The following FANCC variants were observed in gnomAD, a reference collection of about 807,000 sequenced individuals.
FANCC encodes the protein Fanconi anemia group C protein.
Under a neutral mutation model 71.3 loss-of-function variants are expected in FANCC, and 55 were observed. The ratio of observed to expected loss-of-function variants is 0.77; its 90% confidence interval spans 0.62 to 0.97. FANCC has a LOEUF of 0.97. Among genes scored for constraint, FANCC ranks in the 50% least tolerant of loss-of-function variants. The pLI is 0.00. For synonymous variants in FANCC, 275 were observed against 244.9 expected, an observed-to-expected ratio of 1.12 and a Z score of -1.15; for missense variants, 678 against 670.9, an observed-to-expected ratio of 1.01 and a Z score of -0.12.
intron 1 of FANCC, among the ~76,000 whole-genome samples, chr9:95,287,311 A>G (rs1464984573): frequency 6.6e-6 from 1 of 152,204 alleles, no homozygotes; most frequent in Non-Finnish European, 1.5e-5. Flanking sequence ...CCATATCAAA[A>G]GCAAAAATTT....
intron 10 of FANCC, among the ~76,000 whole-genome samples, chr9:95,122,712 C>A (rs905633086): frequency 1.3e-5 from 2 of 152,178 alleles, no homozygotes; most frequent in African/African-American, 4.8e-5. Context: ...AAAAGAGGCG[C>A]GAGCTAACCC....
intron 13 of FANCC, 137 bp from the exon 14 acceptor site, chr9:95,107,406 C>T: frequency 1.1e-6 from 1 of 915,974 alleles, no homozygotes. Flanking sequence ...TAGGCAGCGG[C>T]CGAATTTACA....
intron 7 of FANCC, among the ~76,000 whole-genome samples, chr9:95,139,875 G>A (rs1286883916): frequency 6.8e-6 from 1 of 146,028 alleles, no homozygotes; most frequent in African/African-American, 2.5e-5. Flanking sequence ...CATTCATTCT[G>A]TGGAAAATTT....
At position 95,293,850 on chromosome 9, in the gene FANCC, G is replaced by T; in HGVS notation, c.-79+23676C>A. 3 of 1,611,580 alleles carry T rather than the reference G, an allele frequency of 1.9e-6. No individual in the cohort carries two copies. In the South Asian group the frequency reaches 3.3e-5, roughly 18 times the overall value. On this transcript the variant is annotated intron_variant, in intron 1 of 14. Transcript: ENST00000289081. Reference sequence around the variant, plus strand: ...CAGTGGGATACAAAGTCCAACGGATGACCATGTACAGATGGACCAAGCTGG... The same window carrying T: ...CAGTGGGATACAAAGTCCAACGGATTACCATGTACAGATGGACCAAGCTGG...
At position 95,107,256 on chromosome 9, in the gene FANCC, G is replaced by T; in HGVS notation, c.1343C>A (p.Ala448Asp). ...CATTGCCAGGAGGTGGCCCAGCACG[G>T]CCTTCACCTGGACCTGGGCAATAGT... ...QRAQTMVQVK[A>D]VLGHLLAMSR... The change falls in exon 14 of 15, where the codon GCC becomes GAC. Residue 448 changes from alanine (A) to aspartate (D), a missense_variant. Ala to Asp is a moderately radical substitution (Grantham distance 126). Transcript: ENST00000289081. 1 of 1,613,880 alleles carries T rather than the reference G, an allele frequency of 6.2e-7. No homozygotes were observed. Among genetic ancestry groups the T allele is most frequent in the African/African-American group, 1.3e-5 (1 of 75,050 alleles).
chr9:95,107,307 A>C, intron 13 of FANCC, 38 bp from the exon 14 acceptor site: 2 of 1,594,788 alleles, frequency 1.3e-6, no homozygotes, highest in Non-Finnish European at 1.7e-6. Flanking sequence ...GGTTAGGAAG[A>C]GGCAGGACAG....
intron 4 of FANCC, among the ~76,000 whole-genome samples, chr9:95,226,079 C>T (rs1051731909): frequency 6.6e-6 from 1 of 152,140 alleles, no homozygotes; most frequent in African/African-American, 2.4e-5. Flanking sequence ...ATTTACACTG[C>T]AAAACTATGA....
intron 11 of FANCC, among the ~76,000 whole-genome samples, chr9:95,116,338 A>G (rs974042263): frequency 7.9e-5 from 12 of 152,250 alleles, no homozygotes; most frequent in Non-Finnish European, 1.6e-4. Context: ...TGTCACCCAG[A>G]GATCCCACCC....
intron 4 of FANCC, among the ~76,000 whole-genome samples, chr9:95,175,703 G>T (rs1272162285): frequency 6.6e-6 from 1 of 152,254 alleles, no homozygotes; most frequent in Non-Finnish European, 1.5e-5. Flanking sequence ...CACTGAACTT[G>T]CGAAGGCGGA....
At chr9:95,140,871 A>G (rs1046422675) in intron 7 of FANCC, among the ~76,000 whole-genome samples, 1 of 152,150 alleles carries the variant, frequency 6.6e-6, no homozygotes, top group Non-Finnish European at 1.5e-5. Flanking sequence ...ACTTCTCAAA[A>G]GGCAGCCACC....
chr9:95,172,912 GT>G (rs1222475158), intron 4 of FANCC, among the ~76,000 whole-genome samples: 1 of 152,066 alleles, frequency 6.6e-6, no homozygotes, highest in Non-Finnish European at 1.5e-5. Flanking sequence ...AAAATCTTGT[GT>G]TTACCAGAAA....
chr9:95,293,636 C>T (rs146744670), intron 1 of FANCC: 13 of 1,614,048 alleles, frequency 8.1e-6, no homozygotes, highest in South Asian at 7.7e-5. Context: ...AGTGGGCCAC[C>T]GCTGATTCCT....
chr9:95,291,211 G>A (rs1417039556), intron 1 of FANCC, among the ~76,000 whole-genome samples: 2 of 152,038 alleles, frequency 1.3e-5, no homozygotes, highest in African/African-American at 4.8e-5. Flanking sequence ...CACAGCACTG[G>A]AAATCCTACC....
intron 3 of FANCC, among the ~76,000 whole-genome samples, chr9:95,245,286 C>T (rs1234583898): frequency 1.3e-5 from 2 of 151,972 alleles, no homozygotes; most frequent in East Asian, 1.9e-4. Context: ...AATCCAGTCT[C>T]GGGTCATGAA....
intron 11 of FANCC, 64 bp downstream of exon 11, chr9:95,117,251 C>A: frequency 1.4e-6 from 2 of 1,425,184 alleles, no homozygotes; most frequent in South Asian, 2.3e-5. Context: ...ATGAGGAGGT[C>A]ATAATTTGAC....
At chr9:95,316,574 G>A (rs1233435620) in intron 1 of FANCC, among the ~76,000 whole-genome samples, 1 of 152,200 alleles carries the variant, frequency 6.6e-6, no homozygotes. Flanking sequence ...TGCATTAAAT[G>A]GGGCACAAGT....
chr9:95,157,834 A>T (rs1325322095), intron 6 of FANCC, among the ~76,000 whole-genome samples: 1 of 152,170 alleles, frequency 6.6e-6, no homozygotes. Flanking sequence ...GAGATTTTTT[A>T]AATTTTTCAG....
At chr9:95,188,836 A>C (rs1826896823) in intron 4 of FANCC, among the ~76,000 whole-genome samples, 1 of 152,124 alleles carries the variant, frequency 6.6e-6, no homozygotes, top group Admixed American at 6.5e-5. Flanking sequence ...CTCAAGCCTA[A>C]TCTGCCTGAA....
intron 4 of FANCC, among the ~76,000 whole-genome samples, chr9:95,227,581 C>T (rs541737643): frequency 6.6e-6 from 1 of 152,320 alleles, no homozygotes; most frequent in Non-Finnish European, 1.5e-5. Context: ...AACATCTCAA[C>T]CTGCCAATTC....
Sources: allele counts gnomAD v4.1 joint callset (sites outside exome capture counted in the v4.1 genomes callset), GRCh38; gene constraint gnomAD v4.1.1; transcripts MANE v1.5; gene names NCBI Gene and HGNC (gene_info 2026-07-23, HGNC 2026-07-21).